Variants in USO1 observed in about 807,000 individuals in gnomAD.
USO1 encodes the protein general vesicular transport factor p115.
USO1 carries 57 observed loss-of-function variants against 124.5 expected under a neutral mutation model. The observed-to-expected ratio is 0.46, with a 90% CI of 0.37 to 0.57. The LOEUF is 0.57. Ranked by LOEUF, USO1 falls within the 20% of genes least tolerant of loss-of-function variation. The pLI is 0.00. For synonymous variants in USO1, 369 were observed against 362.8 expected (o/e 1.02, Z -0.19); for missense variants, 900 against 1,040.6 (o/e 0.86, Z 1.86).
chr4:75,804,031 T>C (rs1722924794), intron 17 of USO1, 103 bp from the exon 18 acceptor site: 3 of 1,448,250 alleles, frequency 2.1e-6, no homozygotes, highest in African/African-American at 2.9e-5. Flanking sequence ...TTAAGCACTT[T>C]AGCATACTGT....
In USO1 at chr4:75,778,711, A is replaced by G. The variant is rs199961240; in HGVS notation, c.676+3915A>G. Among the ~76,000 whole-genome samples, 14 of 152,330 alleles carry G rather than the reference A, an allele frequency of 9.2e-5. No homozygotes were observed. In the East Asian group the frequency reaches 2.7e-3, roughly 29 times the overall value. ...TGTAATGGTGGAGACAAGAGATTATACTTCTGTTAAAACTCATAGAACTTT... is the reference window on the plus strand; with the variant it reads ...TGTAATGGTGGAGACAAGAGATTATGCTTCTGTTAAAACTCATAGAACTTT... On this transcript the variant is annotated intron_variant, in intron 8 of 23. Coordinates refer to ENST00000514213, the MANE Select transcript of USO1 (RefSeq NM_003715.4).
chr4:75,735,269 A>G (rs1183956499), intron 1 of USO1, among the ~76,000 whole-genome samples: 1 of 151,964 alleles, frequency 6.6e-6, no homozygotes, highest in Non-Finnish European at 1.5e-5. Context: ...AATGCTACTG[A>G]TTTTTGTACA....
At chr4:75,770,771 C>G (rs1721904923) in intron 5 of USO1, 51 bp from the exon 6 acceptor site, 1 of 1,572,998 alleles carries the variant, frequency 6.4e-7, no homozygotes, top group African/African-American at 1.4e-5. Flanking sequence ...AAATGTTTTT[C>G]TCGAAAATGT....
At chr4:75,745,293 A>C (rs755238364) in intron 1 of USO1, 1 of 506,540 alleles carries the variant, frequency 2.0e-6, no homozygotes. Context: ...TCATTTCCTT[A>C]GAACAAGGAA....
chr4:75,753,285 G>A (rs1298488562), intron 3 of USO1, among the ~76,000 whole-genome samples: 12 of 151,950 alleles, frequency 7.9e-5, no homozygotes, highest in Admixed American at 5.9e-4. Context: ...TGTAATCCCA[G>A]CACTTTGGGA....
chr4:75,756,667 C>T lies in USO1; in HGVS notation c.219-830C>T, dbSNP rs796234915. On this transcript the variant is annotated intron_variant, in intron 3 of 23. Coordinates refer to ENST00000514213, the MANE Select transcript of USO1 (RefSeq NM_003715.4). ...GGTTACAGGCATGCACCACCACGCC[C>T]GGCTAATTTTGTATTTTTAATAGAG... 7.3e-5 allele frequency among the ~76,000 whole-genome samples: 11 copies of T among 151,700 alleles called. 1 individual carries two copies. The highest frequency in any genetic ancestry group is 1.7e-4 in the African/African-American group (7 of 41,376).
chr4:75,764,683 A>C (rs1174789752), intron 4 of USO1, among the ~76,000 whole-genome samples: 1 of 152,152 alleles, frequency 6.6e-6, no homozygotes, highest in Admixed American at 6.5e-5. Context: ...AATAACTATA[A>C]TTTTTAGCTT....
intron 1 of USO1, among the ~76,000 whole-genome samples, chr4:75,741,511 A>T (rs149407760): frequency 1.1e-3 from 168 of 151,932 alleles, no homozygotes; most frequent in African/African-American, 3.8e-3. Flanking sequence ...AATAATGCTT[A>T]GTTTAAAACA....
intron 12 of USO1, 107 bp from the exon 13 acceptor site, chr4:75,793,577 ATTATAT>A: frequency 3.7e-6 from 5 of 1,344,104 alleles, no homozygotes; most frequent in Non-Finnish European, 5.0e-6. Context: ...ATGTTTAATG[ATTATAT>A]TTAATGGTAT....
chr4:75,812,930 G>A (rs556177246), intron 23 of USO1, among the ~76,000 whole-genome samples: 1 of 152,064 alleles, frequency 6.6e-6, no homozygotes, highest in Non-Finnish European at 1.5e-5. Context: ...GGCCAACATG[G>A]TGAAACCCCA....
intron 1 of USO1, among the ~76,000 whole-genome samples, chr4:75,738,789 A>G (rs994133635): frequency 6.6e-6 from 1 of 151,690 alleles, no homozygotes; most frequent in Non-Finnish European, 1.5e-5. Flanking sequence ...CCAAGTATAT[A>G]TATATATTTT....
Position 75,770,544 on chromosome 4 carries a change from A to G in USO1, c.396+5A>G, listed in dbSNP as rs777366336. 1.9e-6 allele frequency: 3 copies of G among 1,561,644 alleles called. No homozygotes were observed. The Admixed American group carries it at 5.9e-5, about 31-fold the overall frequency. ...CTTCTGTTATCTTTATTGGAGGTAAATAGGGAACCTTGATGTTTTTGTCAT... is the reference window on the plus strand; with the variant it reads ...CTTCTGTTATCTTTATTGGAGGTAAGTAGGGAACCTTGATGTTTTTGTCAT... On this transcript the variant is annotated splice_donor_5th_base_variant and intron_variant, in intron 5 of 23. Transcript: ENST00000514213.
At chr4:75,747,900 C>CTTTT (rs34689475) in intron 1 of USO1, among the ~76,000 whole-genome samples, 11 of 44,320 alleles carry the variant, frequency 2.5e-4, no homozygotes, top group East Asian at 1.9e-3. Flanking sequence ...CTCACCTGGC[C>CTTTT]TTTTTTTTTT....
chr4:75,740,378 A>G (rs1042828554), intron 1 of USO1, among the ~76,000 whole-genome samples: 1 of 152,078 alleles, frequency 6.6e-6, no homozygotes, highest in Non-Finnish European at 1.5e-5. Flanking sequence ...GTCTCAAACT[A>G]CTGGGCTCAA....
intron 21 of USO1, 138 bp from the exon 22 acceptor site, chr4:75,810,294 A>C: frequency 1.0e-6 from 1 of 963,738 alleles, no homozygotes; most frequent in East Asian, 3.0e-5. Flanking sequence ...ACTTTGTTGC[A>C]CATAAATACA....
At chr4:75,797,015 T>C (rs1722704700) in intron 13 of USO1, among the ~76,000 whole-genome samples, 1 of 151,950 alleles carries the variant, frequency 6.6e-6, no homozygotes, top group South Asian at 2.1e-4. Flanking sequence ...GTTCAGATTT[T>C]AAGGAATTTA....
chr4:75,792,265 G>T (rs976943488), intron 12 of USO1, among the ~76,000 whole-genome samples: 3 of 152,002 alleles, frequency 2.0e-5, no homozygotes, highest in Non-Finnish European at 4.4e-5. Context: ...GGCTGGGCTT[G>T]GTGGCTCACT....
chr4:75,740,864 C>T (rs528995857), intron 1 of USO1, among the ~76,000 whole-genome samples: 18 of 152,278 alleles, frequency 1.2e-4, no homozygotes, highest in African/African-American at 3.4e-4. Context: ...AGTCTTACTT[C>T]GCATCACTCG....
At chr4:75,738,888 T>C (rs1720872382) in intron 1 of USO1, among the ~76,000 whole-genome samples, 1 of 152,148 alleles carries the variant, frequency 6.6e-6, no homozygotes, top group African/African-American at 2.4e-5. Context: ...AGTCTCACCC[T>C]GTTGCCCAGG....
Sources: allele counts gnomAD v4.1 joint callset (sites outside exome capture counted in the v4.1 genomes callset), GRCh38; gene constraint gnomAD v4.1.1; transcripts MANE v1.5; gene names NCBI Gene and HGNC (gene_info 2026-07-23, HGNC 2026-07-21).